KCNH1: variants seen among roughly 807,000 people sequenced by gnomAD.
The protein encoded by KCNH1 is potassium voltage-gated channel subfamily H member 1.
In KCNH1, 27 loss-of-function variants were observed where a neutral mutation model predicts 69.2. The ratio of observed to expected loss-of-function variants is 0.39; its 90% confidence interval spans 0.29 to 0.54. KCNH1 has a LOEUF of 0.54. KCNH1 is among the 20% of genes least tolerant of loss of function. The pLI, the probability that KCNH1 is intolerant of heterozygous loss-of-function variation, is 0.68. For missense variants in KCNH1, 798 were observed against 1,261.6 expected (o/e 0.63, Z 5.57); for synonymous variants, 456 against 487.7 (o/e 0.93, Z 0.86).
rs893343041 is a variant in KCNH1 at position 210,865,375 on chromosome 1, T to C, written c.1462+54265A>G. Among the ~76,000 whole-genome samples, 10 of 152,240 alleles carry C rather than the reference T, an allele frequency of 6.6e-5. No homozygotes were observed. The East Asian group carries it at 1.5e-3, about 23-fold the overall frequency. ...TTTAGATAACTTGACCAAGGTCATA[T>C]AGTTTTTAAGCACCAAAGCAGTATC... is the stretch of plus-strand genomic sequence containing the variant. On this transcript the variant is annotated intron_variant, in intron 7 of 10. Coordinates refer to ENST00000271751, the MANE Select transcript of KCNH1 (RefSeq NM_172362.3).
intron 1 of KCNH1, chr1:211,108,313 C>T (rs1691395118): frequency 6.6e-6 from 1 of 152,142 alleles, no homozygotes; most frequent in Non-Finnish European, 1.5e-5. Context: ...AAGACCCACC[C>T]ACTTCCCCCA....
At chr1:211,061,890 C>T (rs1012062685) in intron 5 of KCNH1, among the ~76,000 whole-genome samples, 2 of 152,076 alleles carry the variant, frequency 1.3e-5, no homozygotes, top group Admixed American at 6.6e-5. Context: ...ATCCAACTAC[C>T]CAAAGCAATC....
intron 1 of KCNH1, among the ~76,000 whole-genome samples, chr1:211,120,787 C>T (rs1691670731): frequency 6.6e-6 from 1 of 152,118 alleles, no homozygotes; most frequent in Admixed American, 6.6e-5. Flanking sequence ...AAAACACCAT[C>T]ATCTCAGCCC....
At chr1:211,074,181 A>G (rs1690694391) in intron 5 of KCNH1, among the ~76,000 whole-genome samples, 1 of 151,796 alleles carries the variant, frequency 6.6e-6, no homozygotes, top group South Asian at 2.1e-4. Flanking sequence ...TTATCACTGA[A>G]TAAACACAAT....
intron 9 of KCNH1, among the ~76,000 whole-genome samples, chr1:210,786,041 T>C (rs1270986381): frequency 6.6e-6 from 1 of 152,208 alleles, no homozygotes; most frequent in Non-Finnish European, 1.5e-5. Flanking sequence ...TTTTCTCTCT[T>C]GGTTCAGAAC....
chr1:210,854,143 C>A (rs1379876927), intron 7 of KCNH1, among the ~76,000 whole-genome samples: 2 of 151,924 alleles, frequency 1.3e-5, no homozygotes, highest in African/African-American at 2.4e-5. Context: ...AGAAAAGGAG[C>A]CTTTTTATTT....
At chr1:211,103,199 G>A (rs1691292846) in intron 3 of KCNH1, among the ~76,000 whole-genome samples, 1 of 152,146 alleles carries the variant, frequency 6.6e-6, no homozygotes, top group African/African-American at 2.4e-5. Context: ...GTCTACAAGG[G>A]CCTTAAGCTA....
chr1:210,759,444 AAAC>A (rs1315854343), intron 10 of KCNH1, among the ~76,000 whole-genome samples: 2 of 152,138 alleles, frequency 1.3e-5, no homozygotes, highest in African/African-American at 4.8e-5. Context: ...AAGATTTGAA[AAAC>A]AATATGGCTA....
chr1:210,989,141 A>G (rs1688896562), intron 6 of KCNH1, among the ~76,000 whole-genome samples: 1 of 152,220 alleles, frequency 6.6e-6, no homozygotes, highest in Admixed American at 6.5e-5. Flanking sequence ...GGGCTGGCCC[A>G]CAAGTGGCAA....
chr1:210,752,774 G>C (rs529014803), intron 10 of KCNH1, among the ~76,000 whole-genome samples: 12 of 152,218 alleles, frequency 7.9e-5, no homozygotes, highest in African/African-American at 2.9e-4. Flanking sequence ...ATATGTGCCA[G>C]GGTCCTAAAC....
At chr1:210,772,260 A>C (rs1352120043) in intron 10 of KCNH1, among the ~76,000 whole-genome samples, 5 of 152,220 alleles carry the variant, frequency 3.3e-5, no homozygotes, top group Non-Finnish European at 7.3e-5. Context: ...GAAGATCAAC[A>C]AGATCAAGAA....
intron 6 of KCNH1, among the ~76,000 whole-genome samples, chr1:210,995,031 C>G (rs933220373): frequency 6.6e-6 from 1 of 152,164 alleles, no homozygotes; most frequent in Non-Finnish European, 1.5e-5. Context: ...ATTGTCTACC[C>G]AATATCCATT....
rs938313934 is a variant in KCNH1 at position 210,971,119 on chromosome 1, G to T, written c.1032+47664C>A. On this transcript the variant is annotated intron_variant, in intron 6 of 10. Transcript: ENST00000271751. ...ACCATCTCATGCCAGTCAGAATGATGATTTTTTTTGTTTAGCAGAGACGAG... is the reference window on the plus strand; with the variant it reads ...ACCATCTCATGCCAGTCAGAATGATTATTTTTTTTGTTTAGCAGAGACGAG... 2.6e-5 allele frequency among the ~76,000 whole-genome samples: 4 copies of T among 151,836 alleles called. No individual in the cohort carries two copies. In the Admixed American group the frequency reaches 2.6e-4, roughly 10 times the overall value.
At chr1:210,781,013 C>G (rs58498806) in intron 9 of KCNH1, among the ~76,000 whole-genome samples, 14 of 152,312 alleles carry the variant, frequency 9.2e-5, no homozygotes, top group African/African-American at 3.4e-4. Context: ...CACCACTGCA[C>G]TCCAGCCTGG....
chr1:211,026,248 G>A (rs1161436784), intron 5 of KCNH1, among the ~76,000 whole-genome samples: 1 of 152,056 alleles, frequency 6.6e-6, no homozygotes, highest in Non-Finnish European at 1.5e-5. Flanking sequence ...ACTCTGAAAG[G>A]TGGAGAAAAG....
In KCNH1 at chr1:210,919,788, C is replaced by T; in HGVS notation, c.1314G>A (p.Gly438=). 6.2e-7 allele frequency: 1 copy of T among 1,614,206 alleles called. No individual in the cohort carries two copies. The highest frequency in any genetic ancestry group is 1.1e-5 in the South Asian group (1 of 91,082). ...TPYQFNGSGS[G]KWEGGPSKNS... ...TCTTGCTGGGACCACCTTCCCACTT[C>T]CCTGAGCCAGACCCATTAAACTGGT... The change falls in exon 7 of 11, where the codon GGG becomes GGA. Residue 438 remains glycine, a synonymous_variant. Coordinates refer to ENST00000271751, the MANE Select transcript of KCNH1 (RefSeq NM_172362.3). The surrounding 1 kb of genome is among the most constrained non-coding windows in gnomAD (Gnocchi z 4.2).
At chr1:211,090,149 C>A (rs1288953491) in intron 4 of KCNH1, among the ~76,000 whole-genome samples, 1 of 152,200 alleles carries the variant, frequency 6.6e-6, no homozygotes, top group African/African-American at 2.4e-5. Context: ...TCCGCTTTAA[C>A]AATCTTGAAG....
intron 6 of KCNH1, among the ~76,000 whole-genome samples, chr1:211,000,604 T>C (rs1233795370): frequency 6.6e-6 from 1 of 152,134 alleles, no homozygotes; most frequent in Non-Finnish European, 1.5e-5. Context: ...AATTTATAGA[T>C]TCAATGCCAT....
At chr1:211,101,696 A>G (rs546023691) in intron 3 of KCNH1, among the ~76,000 whole-genome samples, 7 of 152,294 alleles carry the variant, frequency 4.6e-5, no homozygotes, top group African/African-American at 1.4e-4. Flanking sequence ...TGTACTCACA[A>G]TAAAACTGAG....
Sources: gnomAD v4.1 joint callset for allele counts (sites outside exome capture counted in the v4.1 genomes callset) on GRCh38, gnomAD v4.1.1 for gene constraint, Gnocchi (gnomAD v3.1) non-coding constraint, MANE v1.5 for transcripts, NCBI Gene and HGNC (gene_info 2026-07-23, HGNC 2026-07-21) for gene names.